USP24: variants seen among roughly 807,000 people sequenced by gnomAD.
USP24 encodes the protein ubiquitin specific peptidase 24.
A neutral mutation model predicts 361.6 loss-of-function variants in USP24; 97 were observed. The observed-to-expected ratio is 0.27, with a 90% confidence interval of 0.23 to 0.32. The LOEUF is 0.32. USP24 is among the 10% of genes least tolerant of loss of function. The pLI, the probability that USP24 is intolerant of heterozygous loss-of-function variation, is 1.00. For synonymous variants in USP24, 1,098 were observed against 1,124.6 expected (o/e 0.98, Z 0.47); for missense variants, 2,353 against 3,165.6 (o/e 0.74, Z 6.16).
At chr1:55,076,562 A>T (rs987791799) in intron 62 of USP24, among the ~76,000 whole-genome samples, 3 of 152,120 alleles carry the variant, frequency 2.0e-5, no homozygotes, top group Non-Finnish European at 2.9e-5. Context: ...CCAAATTCCA[A>T]TGATTCTCTT....
chr1:55,131,408 A>G (rs879380085), intron 31 of USP24, among the ~76,000 whole-genome samples: 9 of 152,206 alleles, frequency 5.9e-5, no homozygotes, highest in Non-Finnish European at 1.0e-4. Flanking sequence ...CATAAAGTTA[A>G]TTCTTAAACA....
At chr1:55,135,220 A>G (rs1481803562) in intron 28 of USP24, among the ~76,000 whole-genome samples, 1 of 152,120 alleles carries the variant, frequency 6.6e-6, no homozygotes, top group East Asian at 1.9e-4. Flanking sequence ...CCTGGCCTCC[A>G]ACAATCCTCC....
chr1:55,128,258 T>A (rs1557603487), intron 32 of USP24, among the ~76,000 whole-genome samples: 1 of 152,168 alleles, frequency 6.6e-6, no homozygotes, highest in African/African-American at 2.4e-5. Flanking sequence ...CTGGATACTG[T>A]CAGCTCTCAG....
rs548330772 is a variant in USP24 at position 55,131,804 on chromosome 1, T to C, written c.3537+741A>G. On this transcript the variant is annotated intron_variant, in intron 31 of 67. Coordinates refer to ENST00000294383, the MANE Select transcript of USP24 (RefSeq NM_015306.3). ...ATAATTAAGACTGCTTAGGCACTGA[T>C]ATGGATTCTATTCTTTAGTGCCTGG... Among the ~76,000 whole-genome samples the C allele has an allele frequency of 2.0e-5, 3 of 152,364 alleles. No homozygotes were observed. The East Asian group carries it at 5.8e-4, about 29-fold the overall frequency.
Position 55,085,891 on chromosome 1 carries a change from A to G in USP24, c.6765+51T>C. On this transcript the variant is annotated intron_variant, in intron 56 of 67. Transcript: ENST00000294383. Reference sequence around the variant, plus strand: ...TCTTTCTTATTACCTGCAATTTAAAACATTTGGTAAAAACACAGTGTATAA... The same window carrying G: ...TCTTTCTTATTACCTGCAATTTAAAGCATTTGGTAAAAACACAGTGTATAA... The G allele has an allele frequency of 1.5e-5, 23 of 1,562,822 alleles. No homozygotes were observed. In the South Asian group the frequency reaches 1.9e-4, roughly 13 times the overall value.
In USP24 at chr1:55,117,781, TAATA is replaced by T. The variant is rs551788390; in HGVS notation, c.4508+2811_4508+2814del. 4.3e-4 allele frequency among the ~76,000 whole-genome samples: 58 copies of T among 135,174 alleles called. 1 individual carries two copies. Among genetic ancestry groups the T allele is most frequent in the African/African-American group, 1.5e-3 (53 of 36,520 alleles). The allele number at this position is 135,174 out of a possible 152,430, so 88.7% of individuals were successfully genotyped here. ...AAAAAAAAAAAGAAACTGTTAGAAC[TAATA>T]AATAAATTCAGCAAAGTTGCAGCAT... is the stretch of plus-strand genomic sequence containing the variant. On this transcript the variant is annotated intron_variant, in intron 38 of 67. Transcript: ENST00000294383.
At position 55,069,872 on chromosome 1, in the gene USP24, C is replaced by CAA. The variant is rs11365818; in HGVS notation, c.7801-767_7801-766dup. On this transcript the variant is annotated intron_variant, in intron 67 of 67. Coordinates refer to ENST00000294383, the MANE Select transcript of USP24 (RefSeq NM_015306.3). ...TGGGTGACAGAGCAACACTCCATCTCAAAAAAAAAAAAAAAAAAAAAAAAA... is the reference window on the plus strand; with the variant it reads ...TGGGTGACAGAGCAACACTCCATCTCAAAAAAAAAAAAAAAAAAAAAAAAAAA... Among the ~76,000 whole-genome samples, 96 of 35,664 alleles carry CAA rather than the reference C, an allele frequency of 2.7e-3. 1 individual carries two copies. The highest frequency in any genetic ancestry group is 9.7e-3 in the African/African-American group (78 of 8,064). The allele number at this position is 35,664 out of a possible 152,430, so 23.4% of individuals were successfully genotyped here. A position where few individuals can be genotyped will look rare whatever the true frequency, so the allele number is the denominator to read the frequency against.
Position 55,075,441 on chromosome 1 carries a change from G to T in USP24, c.7447+16C>A. On this transcript the variant is annotated intron_variant, in intron 63 of 67. Coordinates refer to ENST00000294383, the MANE Select transcript of USP24 (RefSeq NM_015306.3). ...ATTTACTATAGACATTTGTGCATAA[G>T]ACCAGGCATACTTGCCTAGTAATCC... The T allele has an allele frequency of 6.3e-7, 1 of 1,589,892 alleles. No individual in the cohort carries two copies. The highest frequency in any genetic ancestry group is 8.6e-7 in the Non-Finnish European group (1 of 1,166,536).
In USP24 at chr1:55,097,580, A is replaced by G. The variant is rs1036871210; in HGVS notation, c.5715+18T>C. On this transcript the variant is annotated intron_variant, in intron 48 of 67. Transcript: ENST00000294383. ...GAAATGAATGGTTGTGAAAAATTTCAGGAAGAAAAAAAGTTACCCTTATTT... is the reference window on the plus strand; with the variant it reads ...GAAATGAATGGTTGTGAAAAATTTCGGGAAGAAAAAAAGTTACCCTTATTT... 6 of 1,524,166 alleles carry G rather than the reference A, an allele frequency of 3.9e-6. No homozygotes were observed. In the Admixed American group the frequency reaches 1.5e-4, roughly 37 times the overall value. The allele number at this position is 1,524,166 out of a possible 1,614,324, so 94.4% of individuals were successfully genotyped here.
chr1:55,122,198 T>G (rs1646301308), intron 36 of USP24, among the ~76,000 whole-genome samples: 1 of 151,806 alleles, frequency 6.6e-6, no homozygotes, highest in African/African-American at 2.4e-5. Context: ...AGGTAAGGAG[T>G]CTGGGCAGTG....
In USP24 at chr1:55,089,751, A is replaced by C. The variant is rs1411395742; in HGVS notation, c.6555-11T>G. 8 of 1,567,814 alleles carry C rather than the reference A, an allele frequency of 5.1e-6. No homozygotes were observed. Among genetic ancestry groups the C allele is most frequent in the Non-Finnish European group, 6.9e-6 (8 of 1,153,370 alleles). On this transcript the variant is annotated splice_polypyrimidine_tract_variant and intron_variant, in intron 54 of 67. Transcript: ENST00000294383. ...TCTTCAGTATCAACCCTTTAAAAAAAAGCAGATACAGCAATGTTAGGAGCA... is the reference window on the plus strand; with the variant it reads ...TCTTCAGTATCAACCCTTTAAAAAACAGCAGATACAGCAATGTTAGGAGCA...
In USP24 at chr1:55,090,800, C is replaced by T. The variant is rs541173298; in HGVS notation, c.6555-1060G>A. ...AGGTGCTGAAGATAAAAACCGATGACGAGGCCAGGCACAGTGGCTCACGCC... is the reference window on the plus strand; with the variant it reads ...AGGTGCTGAAGATAAAAACCGATGATGAGGCCAGGCACAGTGGCTCACGCC... On this transcript the variant is annotated intron_variant, in intron 54 of 67. Transcript: ENST00000294383. Among the ~76,000 whole-genome samples, 8 of 152,310 alleles carry T rather than the reference C, an allele frequency of 5.3e-5. 1 individual carries two copies. The highest frequency in any genetic ancestry group is 2.1e-4 in the South Asian group (1 of 4,828).
intron 5 of USP24, 70 bp downstream of exon 5, chr1:55,171,486 T>A: frequency 6.6e-7 from 1 of 1,512,248 alleles, no homozygotes; most frequent in East Asian, 2.4e-5. Context: ...AACTTGTCTT[T>A]TTTATAGCAC....
chr1:55,134,170 T>C lies in USP24; in HGVS notation c.3288-7A>G. 1 of 1,612,436 alleles carries C rather than the reference T, an allele frequency of 6.2e-7. No individual in the cohort carries two copies. Among genetic ancestry groups the C allele is most frequent in the South Asian group, 1.1e-5 (1 of 90,762 alleles). ...CCGTACTCGTAGAGTTATCCTGAAGTTTTTCAAATACAAATTTTTTCATAT... is the reference window on the plus strand; with the variant it reads ...CCGTACTCGTAGAGTTATCCTGAAGCTTTTCAAATACAAATTTTTTCATAT... On this transcript the variant is annotated splice_region_variant and splice_polypyrimidine_tract_variant and intron_variant, in intron 29 of 67. Transcript: ENST00000294383.
intron 5 of USP24, among the ~76,000 whole-genome samples, chr1:55,170,678 T>C (rs1466784183): frequency 6.6e-6 from 1 of 152,184 alleles, no homozygotes; most frequent in Non-Finnish European, 1.5e-5. Context: ...CACTCAGCTT[T>C]TTCCTCCTCT....
Position 55,132,326 on chromosome 1 carries a change from T to C in USP24, c.3537+219A>G, listed in dbSNP as rs115349205. Among the ~76,000 whole-genome samples the C allele has an allele frequency of 3.7e-4, 57 of 152,316 alleles. 1 individual carries two copies. Among genetic ancestry groups the C allele is most frequent in the African/African-American group, 1.3e-3 (55 of 41,572 alleles). On this transcript the variant is annotated intron_variant, in intron 31 of 67. Transcript: ENST00000294383. ...TTTAAGCCATCCAGTCTATGGTGATTTGTTATAGCAGCCCAAATGGGCTAA... is the reference window on the plus strand; with the variant it reads ...TTTAAGCCATCCAGTCTATGGTGATCTGTTATAGCAGCCCAAATGGGCTAA...
intron 5 of USP24, among the ~76,000 whole-genome samples, chr1:55,170,381 T>G (rs1391259714): frequency 6.6e-6 from 1 of 152,144 alleles, no homozygotes; most frequent in Non-Finnish European, 1.5e-5. Context: ...GAGCGCTCAC[T>G]AGAGTGAACC....
At position 55,092,129 on chromosome 1, in the gene USP24, A is replaced by G; in HGVS notation, c.6451-3T>C. 2 of 1,598,766 alleles carry G rather than the reference A, an allele frequency of 1.3e-6. No homozygotes were observed. Among genetic ancestry groups the G allele is most frequent in the Non-Finnish European group, 1.7e-6 (2 of 1,170,808 alleles). ...TAATATGGATGCTTTAATTTAGTCT[A>G]AGAGAGGGAAACATGAAAGAGGATA... On this transcript the variant is annotated splice_region_variant and splice_polypyrimidine_tract_variant and intron_variant, in intron 53 of 67. Transcript: ENST00000294383.
chr1:55,204,445 C>T (rs1644654309), intron 1 of USP24, among the ~76,000 whole-genome samples: 1 of 152,074 alleles, frequency 6.6e-6, no homozygotes, highest in African/African-American at 2.4e-5. Context: ...AATACACATT[C>T]TGTATATTCC....
Sources: gnomAD v4.1 joint callset for allele counts (sites outside exome capture counted in the v4.1 genomes callset) on GRCh38, gnomAD v4.1.1 for gene constraint, MANE v1.5 for transcripts, NCBI Gene and HGNC (gene_info 2026-07-23, HGNC 2026-07-21) for gene names.